The following MARCHF1 variants were observed in gnomAD, a reference collection of about 807,000 sequenced individuals.
The protein encoded by MARCHF1 is membrane associated ring-CH-type finger 1.
A neutral mutation model predicts 54.2 loss-of-function variants in MARCHF1; 40 were observed. That is an observed-to-expected ratio of 0.74 (90% CI 0.57 to 0.96). MARCHF1 has a LOEUF of 0.96. Among genes scored for constraint, MARCHF1 ranks in the 40% least tolerant of loss-of-function variants. MARCHF1 has a pLI of 0.00. For missense variants in MARCHF1, 586 were observed against 656.5 expected, an observed-to-expected ratio of 0.89 and a Z score of 1.17; for synonymous variants, 236 against 236.3, an observed-to-expected ratio of 1.00 and a Z score of 0.01.
chr4:164,261,130 G>A (rs990385098), intron 1 of MARCHF1, among the ~76,000 whole-genome samples: 2 of 152,116 alleles, frequency 1.3e-5, no homozygotes, highest in African/African-American at 4.8e-5. Flanking sequence ...AGCAGAGAAA[G>A]AGGACTGGAA....
At chr4:163,816,198 C>G (rs1269124929) in intron 4 of MARCHF1, among the ~76,000 whole-genome samples, 1 of 152,174 alleles carries the variant, frequency 6.6e-6, no homozygotes, top group Non-Finnish European at 1.5e-5. Context: ...TACATTTAAA[C>G]TGCTGCGAAG....
chr4:163,642,309 A>ACTATATCTTTATTAAACTATAT (rs1409217080), intron 5 of MARCHF1, among the ~76,000 whole-genome samples: 1 of 152,162 alleles, frequency 6.6e-6, no homozygotes, highest in Non-Finnish European at 1.5e-5. Context: ...AAAGATAATA[A>ACTATATCTTTATTAAACTATAT]AGAGTTGGTT....
At chr4:164,190,097 G>A in intron 1 of MARCHF1, 1 of 1,426,808 alleles carries the variant, frequency 7.0e-7, no homozygotes. Context: ...TAAAGAATCA[G>A]ATTGGAGATA....
chr4:164,321,521 TA>T (rs1204953420), intron 1 of MARCHF1, among the ~76,000 whole-genome samples: 1 of 151,756 alleles, frequency 6.6e-6, no homozygotes, highest in Non-Finnish European at 1.5e-5. Context: ...GAGAATACAT[TA>T]AATGAAAAAG....
intron 4 of MARCHF1, among the ~76,000 whole-genome samples, chr4:163,732,741 A>G (rs1745881358): frequency 6.6e-6 from 1 of 152,158 alleles, no homozygotes; most frequent in South Asian, 2.1e-4. Flanking sequence ...AAACAAAAGA[A>G]TCTTTCAACT....
intron 4 of MARCHF1, among the ~76,000 whole-genome samples, chr4:163,822,704 C>G (rs1208232078): frequency 6.6e-6 from 1 of 151,822 alleles, no homozygotes. Flanking sequence ...TATCCACCAC[C>G]TTATTTATCT....
chr4:163,547,598 C>G (rs1738953287), intron 8 of MARCHF1, among the ~76,000 whole-genome samples: 1 of 152,184 alleles, frequency 6.6e-6, no homozygotes, highest in African/African-American at 2.4e-5. Context: ...ATCCTGTTGT[C>G]TTCCTGATTA....
intron 1 of MARCHF1, among the ~76,000 whole-genome samples, chr4:164,355,435 G>C (rs1431969768): frequency 2.3e-5 from 3 of 127,752 alleles, no homozygotes; most frequent in Non-Finnish European, 3.3e-5. Context: ...CAATGGAACA[G>C]AACAGAGCCC....
chr4:163,839,181 C>T (rs958461517), intron 4 of MARCHF1, among the ~76,000 whole-genome samples: 1 of 151,874 alleles, frequency 6.6e-6, no homozygotes, highest in Non-Finnish European at 1.5e-5. Flanking sequence ...TCACTTCATA[C>T]CAATTAGCAT....
At chr4:163,636,968 C>G (rs1742354561) in intron 5 of MARCHF1, among the ~76,000 whole-genome samples, 2 of 152,138 alleles carry the variant, frequency 1.3e-5, no homozygotes, top group African/African-American at 4.8e-5. Flanking sequence ...TGATCTTTGA[C>G]AAACCTCAGA....
intron 8 of MARCHF1, among the ~76,000 whole-genome samples, chr4:163,580,380 G>A (rs116131991): frequency 0.012 from 1,889 of 152,094 alleles, 38 homozygotes; most frequent in South Asian, 0.041. Context: ...ACCTGGCCCT[G>A]TAGACACATT....
chr4:163,906,944 T>C (rs34666359), intron 3 of MARCHF1, among the ~76,000 whole-genome samples: 7,223 of 152,074 alleles, frequency 0.047, 263 homozygotes, highest in Non-Finnish European at 0.071. Flanking sequence ...TTGCATCTTT[T>C]ACAAATCCAT....
chr4:164,326,233 A>G (rs929034938), intron 1 of MARCHF1, among the ~76,000 whole-genome samples: 6 of 152,198 alleles, frequency 3.9e-5, no homozygotes, highest in African/African-American at 1.4e-4. Context: ...ATGGGGTTAA[A>G]TGCAATGTAA....
chr4:163,808,956 A>G (rs1033318498), intron 4 of MARCHF1, among the ~76,000 whole-genome samples: 1 of 152,142 alleles, frequency 6.6e-6, no homozygotes, highest in Admixed American at 6.5e-5. Flanking sequence ...TGTCTCGTCT[A>G]TTTCATACAG....
At chr4:164,370,084 G>T (rs1730994295) in intron 1 of MARCHF1, among the ~76,000 whole-genome samples, 1 of 152,098 alleles carries the variant, frequency 6.6e-6, no homozygotes, top group African/African-American at 2.4e-5. Context: ...TTAGATAAAT[G>T]GAGTTATGTA....
chr4:164,135,397 G>T (rs1756379646), intron 1 of MARCHF1: 1 of 152,174 alleles, frequency 6.6e-6, no homozygotes, highest in Admixed American at 6.5e-5. Flanking sequence ...AATTTATAAA[G>T]AAAAGAGGTT....
At chr4:163,695,836 A>G (rs1403240453) in intron 5 of MARCHF1, among the ~76,000 whole-genome samples, 1 of 152,180 alleles carries the variant, frequency 6.6e-6, no homozygotes, top group African/African-American at 2.4e-5. Context: ...AGAAGAAATA[A>G]AAGGCAAGAT....
intron 1 of MARCHF1, among the ~76,000 whole-genome samples, chr4:164,193,406 A>G (rs1731171890): frequency 6.6e-6 from 1 of 151,994 alleles, no homozygotes. Flanking sequence ...CTATGCTCCC[A>G]GTTATCCAAT....
intron 1 of MARCHF1, among the ~76,000 whole-genome samples, chr4:164,207,330 A>G (rs1407994187): frequency 1.3e-5 from 2 of 152,184 alleles, no homozygotes; most frequent in African/African-American, 4.8e-5. Context: ...TTTTCATTTT[A>G]AGTTTATTCA....
Sources: allele counts gnomAD v4.1 joint callset (sites outside exome capture counted in the v4.1 genomes callset), GRCh38; gene constraint gnomAD v4.1.1; transcripts MANE v1.5; gene names NCBI Gene and HGNC (gene_info 2026-07-23, HGNC 2026-07-21).